Variants in MACROD2 observed in about 807,000 individuals in gnomAD.
MACROD2 encodes the protein ADP-ribose glycohydrolase MACROD2.
Under a neutral mutation model 70.4 loss-of-function variants are expected in MACROD2, and 36 were observed. The ratio of observed to expected loss-of-function variants is 0.51; its 90% CI spans 0.39 to 0.68. MACROD2 has a LOEUF of 0.68. MACROD2 is among the 30% of genes least tolerant of loss of function. The pLI is 0.00. For synonymous variants in MACROD2, 172 were observed against 178.8 expected, an observed-to-expected ratio of 0.96 and a Z score of 0.30; for missense variants, 496 against 538.4, an observed-to-expected ratio of 0.92 and a Z score of 0.78.
intron 4 of MACROD2, among the ~76,000 whole-genome samples, chr20:14,647,050 G>A (rs1328494944): frequency 2.0e-5 from 3 of 152,126 alleles, no homozygotes; most frequent in East Asian, 1.9e-4. Flanking sequence ...CACACCTCAT[G>A]TGGGATCTTA....
At position 15,921,382 on chromosome 20, in the gene MACROD2, A is replaced by G. The variant is rs78567642; in HGVS notation, c.776-11894A>G. ...TTCCCACTTAGATCCATCGTGAAGC[A>G]CCGGCCATCGGCACTCCCGCCCCAT... On this transcript the variant is annotated intron_variant, in intron 10 of 17. Transcript: ENST00000684519. 2.4e-3 allele frequency among the ~76,000 whole-genome samples: 360 copies of G among 152,322 alleles called. 1 individual carries two copies. The highest frequency in any genetic ancestry group is 0.023 in the South Asian group (112 of 4,824).
chr20:14,751,319 T>C (rs2071866868), intron 5 of MACROD2, among the ~76,000 whole-genome samples: 1 of 151,890 alleles, frequency 6.6e-6, no homozygotes, highest in South Asian at 2.1e-4. Context: ...TCCTCCCTTT[T>C]TTTTTTGATC....
chr20:15,021,461 C>T (rs1344079634), intron 5 of MACROD2: 1 of 149,196 alleles, frequency 6.7e-6, no homozygotes, highest in Non-Finnish European at 1.5e-5. Context: ...TATGTATATA[C>T]ATATATAGGA....
intron 2 of MACROD2, among the ~76,000 whole-genome samples, chr20:14,049,556 C>G (rs1335286493): frequency 2.0e-5 from 3 of 146,892 alleles, no homozygotes; most frequent in Non-Finnish European, 3.0e-5. Context: ...GCCTGGCCAA[C>G]GTGGTGAAAC....
chr20:15,513,439 C>T (rs1022396671), intron 8 of MACROD2, among the ~76,000 whole-genome samples: 1 of 152,158 alleles, frequency 6.6e-6, no homozygotes, highest in Non-Finnish European at 1.5e-5. Flanking sequence ...CCCCAAACCC[C>T]CTTCCACACA....
intron 2 of MACROD2, among the ~76,000 whole-genome samples, chr20:14,070,431 C>T (rs1319862841): frequency 2.0e-5 from 3 of 152,098 alleles, no homozygotes; most frequent in Non-Finnish European, 2.9e-5. Context: ...AGCTTGACCC[C>T]TGGGATTCCT....
intron 5 of MACROD2, among the ~76,000 whole-genome samples, chr20:14,859,661 A>AT (rs1171544110): frequency 6.6e-6 from 1 of 151,874 alleles, no homozygotes; most frequent in East Asian, 1.9e-4. Flanking sequence ...TGCTATTGAG[A>AT]TTTTTTTTCA....
chr20:15,149,142 GA>G (rs771033489), intron 5 of MACROD2, among the ~76,000 whole-genome samples: 2 of 152,030 alleles, frequency 1.3e-5, no homozygotes, highest in Non-Finnish European at 2.9e-5. Flanking sequence ...GTCCTGGGTG[GA>G]GGCAAATCCT....
intron 5 of MACROD2, among the ~76,000 whole-genome samples, chr20:15,188,871 G>T (rs1280488804): frequency 6.6e-6 from 1 of 152,104 alleles, no homozygotes; most frequent in Non-Finnish European, 1.5e-5. Context: ...TCAGCCTTGG[G>T]CAGTAAACTA....
chr20:14,550,561 C>CTT (rs1456474822), intron 4 of MACROD2, among the ~76,000 whole-genome samples: 6 of 152,174 alleles, frequency 3.9e-5, no homozygotes, highest in Admixed American at 3.9e-4. Flanking sequence ...CTGCCAGTGC[C>CTT]TTGAACTTAG....
chr20:14,659,967 A>G (rs1986149385), intron 4 of MACROD2, among the ~76,000 whole-genome samples: 1 of 152,180 alleles, frequency 6.6e-6, no homozygotes, highest in Non-Finnish European at 1.5e-5. Flanking sequence ...TGACTCTTAC[A>G]AGCATGTGAG....
chr20:14,198,506 G>T (rs1309710740), intron 3 of MACROD2, among the ~76,000 whole-genome samples: 1 of 152,118 alleles, frequency 6.6e-6, no homozygotes, highest in African/African-American at 2.4e-5. Flanking sequence ...ACCGCTTTCA[G>T]AATCTAAAAC....
intron 5 of MACROD2, among the ~76,000 whole-genome samples, chr20:15,071,485 AAG>A (rs2123108037): frequency 6.6e-6 from 1 of 152,332 alleles, no homozygotes; most frequent in South Asian, 2.1e-4. Flanking sequence ...CTTAAGAGAA[AAG>A]AGAGGAGAAA....
At chr20:14,383,164 A>T (rs2083439123) in intron 3 of MACROD2, among the ~76,000 whole-genome samples, 1 of 152,204 alleles carries the variant, frequency 6.6e-6, no homozygotes, top group African/African-American at 2.4e-5. Context: ...GTTTAAAAAC[A>T]AACAGCTAAG....
chr20:15,520,478 A>C (rs2047637728), intron 8 of MACROD2, among the ~76,000 whole-genome samples: 1 of 152,238 alleles, frequency 6.6e-6, no homozygotes, highest in African/African-American at 2.4e-5. Context: ...TGATGACTAT[A>C]GCGATGCCAG....
Position 16,052,127 on chromosome 20 carries a change from G to A in MACROD2, c.*2251G>A, listed in dbSNP as rs186499108. Reference sequence around the variant, plus strand: ...TATCTTCAGCCCGACTCCTGAATTTGTTTATTCTTCCATCTATAATTAGAT... The same window carrying A: ...TATCTTCAGCCCGACTCCTGAATTTATTTATTCTTCCATCTATAATTAGAT... On this transcript the variant is annotated 3_prime_UTR_variant, in exon 18 of 18. Coordinates refer to ENST00000684519, the MANE Select transcript of MACROD2 (RefSeq NM_001351661.2). 5 of 152,270 alleles carry A rather than the reference G, an allele frequency of 3.3e-5. No homozygotes were observed. The highest frequency in any genetic ancestry group is 1.5e-5 in the Non-Finnish European group (1 of 68,010). 9.4% of individuals were successfully genotyped at this position (152,270 alleles called of 1,614,324 possible).
intron 3 of MACROD2, among the ~76,000 whole-genome samples, chr20:14,180,693 A>C: frequency 6.6e-6 from 1 of 152,000 alleles, no homozygotes; most frequent in East Asian, 1.9e-4. Context: ...TTTTCTGTTT[A>C]TGTTAGTTTG....
At chr20:15,743,197 T>C (rs1312036439) in intron 8 of MACROD2, among the ~76,000 whole-genome samples, 1 of 152,156 alleles carries the variant, frequency 6.6e-6, no homozygotes. Flanking sequence ...CTTCCTGATA[T>C]ATGAACATTT....
intron 7 of MACROD2, among the ~76,000 whole-genome samples, chr20:15,445,828 A>G (rs568149162): frequency 4.6e-5 from 7 of 152,278 alleles, no homozygotes; most frequent in Non-Finnish European, 1.0e-4. Context: ...GCAACATCCA[A>G]CTAGTTCATA....
Sources: gnomAD v4.1 joint callset for allele counts (sites outside exome capture counted in the v4.1 genomes callset) on GRCh38, gnomAD v4.1.1 for gene constraint, MANE v1.5 for transcripts, NCBI Gene and HGNC (gene_info 2026-07-23, HGNC 2026-07-21) for gene names.